Variants in PATJ observed in about 807,000 individuals in gnomAD.
PATJ encodes PATJ crumbs cell polarity complex component.
PATJ carries 190 observed loss-of-function variants against 224.9 expected under a neutral mutation model. The ratio of observed to expected loss-of-function variants is 0.84; its 90% confidence interval spans 0.75 to 0.95. The LOEUF is 0.95. Among genes scored for constraint, PATJ ranks in the 40% least tolerant of loss-of-function variants. The probability of loss-of-function intolerance (pLI) is 0.00; values close to 1 mark genes in which losing one functional copy is unlikely to be tolerated. For missense variants in PATJ, 2,121 were observed against 2,270.3 expected (o/e 0.93, Z 1.34); for synonymous variants, 769 against 820.3 (o/e 0.94, Z 1.07).
At position 62,051,472 on chromosome 1, in the gene PATJ, G is replaced by A. The variant is rs949007404; in HGVS notation, c.4125+414G>A. Among the ~76,000 whole-genome samples the A allele has an allele frequency of 2.6e-5, 4 of 151,944 alleles. 1 individual carries two copies. Among genetic ancestry groups the A allele is most frequent in the Non-Finnish European group, 4.4e-5 (3 of 67,986 alleles). ...CTCCAGAGTAGCTGGGACTACAGGCGCACACCACCATGCCCAGCTAATTTT... is the reference window on the plus strand; with the variant it reads ...CTCCAGAGTAGCTGGGACTACAGGCACACACCACCATGCCCAGCTAATTTT... On this transcript the variant is annotated intron_variant, in intron 31 of 43. Transcript: ENST00000642238.
intron 22 of PATJ, among the ~76,000 whole-genome samples, chr1:61,884,734 T>A (rs767384812): frequency 1.3e-5 from 2 of 152,118 alleles, no homozygotes; most frequent in Non-Finnish European, 2.9e-5. Flanking sequence ...AGTGAGGAAA[T>A]CTACAGGAAT....
chr1:62,117,252 C>T (rs1230473388), intron 37 of PATJ, 34 bp downstream of exon 37: 1 of 1,612,682 alleles, frequency 6.2e-7, no homozygotes, highest in Non-Finnish European at 8.5e-7. Flanking sequence ...CTGACTCACT[C>T]TTCTGCCCCC....
rs34267345 is a variant in PATJ, at chr1:61,965,121, C to CAA, written c.3671-25008_3671-25007dup. 2.4e-3 allele frequency among the ~76,000 whole-genome samples: 130 copies of CAA among 54,372 alleles called. 31 individuals carry two copies. Among genetic ancestry groups the CAA allele is most frequent in the East Asian group, 0.013 (6 of 478 alleles). 35.7% of individuals were successfully genotyped at this position (54,372 alleles called of 152,430 possible). A position where few individuals can be genotyped will look rare whatever the true frequency, so the allele number is the denominator to read the frequency against. ...TGGGCCACTGAAGGAGACTCTGTCT[C>CAA]AAAAAAAAAAAAAAAAAAAAAAAAA... On this transcript the variant is annotated intron_variant, in intron 27 of 43. Coordinates refer to ENST00000642238, the MANE Select transcript of PATJ (RefSeq NM_001350145.3).
At position 61,939,073 on chromosome 1, in the gene PATJ, A is replaced by G. The variant is rs913926956; in HGVS notation, c.3670+11244A>G. 6.2e-5 allele frequency among the ~76,000 whole-genome samples: 9 copies of G among 145,002 alleles called. No individual in the cohort carries two copies. In the South Asian group the frequency reaches 8.8e-4, roughly 14 times the overall value. ...AGGAGGCGGAGGTTGTAGTGAGCCAAGATCGTTCCACTGCACTCCAGCCTG... is the reference window on the plus strand; with the variant it reads ...AGGAGGCGGAGGTTGTAGTGAGCCAGGATCGTTCCACTGCACTCCAGCCTG... On this transcript the variant is annotated intron_variant, in intron 27 of 43. Transcript: ENST00000642238.
chr1:61,961,609 A>G (rs1478808251), intron 27 of PATJ, among the ~76,000 whole-genome samples: 1 of 152,226 alleles, frequency 6.6e-6, no homozygotes, highest in East Asian at 1.9e-4. Flanking sequence ...CTGCAGGATC[A>G]ATACATGAAA....
chr1:61,805,397 C>T (rs1428359355), intron 12 of PATJ, 51 bp from the exon 13 acceptor site: 2 of 1,140,158 alleles, frequency 1.8e-6, no homozygotes, highest in Admixed American at 1.8e-5. Context: ...GTGTTTGGCT[C>T]ACAGTAGTTT....
intron 30 of PATJ, among the ~76,000 whole-genome samples, chr1:62,043,704 G>GT (rs1396513403): frequency 3.5e-5 from 5 of 144,582 alleles, no homozygotes; most frequent in African/African-American, 5.0e-5. Flanking sequence ...AACATGATGG[G>GT]TTTTTTTGTT....
chr1:62,076,734 T>C (rs1027738709), intron 31 of PATJ, among the ~76,000 whole-genome samples: 32 of 152,344 alleles, frequency 2.1e-4, no homozygotes, highest in African/African-American at 7.5e-4. Flanking sequence ...AATTTAGTAA[T>C]CTAGATTGCT....
intron 14 of PATJ, among the ~76,000 whole-genome samples, chr1:61,814,170 G>A (rs1229260438): frequency 9.0e-6 from 1 of 111,338 alleles, no homozygotes; most frequent in African/African-American, 3.5e-5. Flanking sequence ...CAGTGATTCA[G>A]TCTCGCTCTG....
chr1:61,814,099 A>G (rs1438893523), intron 14 of PATJ, among the ~76,000 whole-genome samples: 2 of 151,542 alleles, frequency 1.3e-5, no homozygotes, highest in African/African-American at 4.8e-5. Flanking sequence ...ACTAGAAGAA[A>G]AAGAGTCACC....
At chr1:61,824,097 C>A (rs1204131398) in intron 15 of PATJ, among the ~76,000 whole-genome samples, 2 of 152,070 alleles carry the variant, frequency 1.3e-5, no homozygotes, top group Non-Finnish European at 2.9e-5. Flanking sequence ...CTGGGCACGG[C>A]CATATCTTTG....
chr1:62,103,414 A>G (rs1397922355), intron 33 of PATJ, among the ~76,000 whole-genome samples: 26 of 152,326 alleles, frequency 1.7e-4, no homozygotes, highest in East Asian at 1.2e-3. Context: ...TGTAGCATCT[A>G]TGGCACATAG....
At chr1:62,112,697 A>G (rs1311830798) in intron 34 of PATJ, among the ~76,000 whole-genome samples, 1 of 151,800 alleles carries the variant, frequency 6.6e-6, no homozygotes, top group African/African-American at 2.4e-5. Context: ...CCCTCATTTG[A>G]CTCTTTTCCT....
At position 62,018,363 on chromosome 1, in the gene PATJ, C is replaced by T. The variant is rs1004883628; in HGVS notation, c.3959+416C>T. On this transcript the variant is annotated intron_variant, in intron 29 of 43. Transcript: ENST00000642238. This position sits in a 1 kb window ranked among gnomAD's most constrained non-coding sequence, Gnocchi z 4.2. ...TCTTAGGAGCTTCCTTTTAAGAGTG[C>T]TGGTGAGAAGCTCAGAGTAGAGAAG... 6.6e-6 allele frequency among the ~76,000 whole-genome samples: 1 copy of T among 152,164 alleles called. No homozygotes were observed. The highest frequency in any genetic ancestry group is 6.5e-5 in the Admixed American group (1 of 15,276).
At chr1:62,017,744 A>AAG (rs1253987425) in intron 28 of PATJ, 112 bp from the exon 29 acceptor site, 3 of 576,948 alleles carry the variant, frequency 5.2e-6, no homozygotes, top group East Asian at 3.0e-5. Context: ...AAAAAAAAAA[A>AAG]AAAGAAAAGA....
intron 20 of PATJ, among the ~76,000 whole-genome samples, chr1:61,867,013 C>G (rs1344024595): frequency 1.3e-5 from 2 of 152,172 alleles, no homozygotes; most frequent in Non-Finnish European, 2.9e-5. Flanking sequence ...CCAGAGGTCA[C>G]TCTCGTTGCC....
chr1:62,135,693 A>T (rs968821129), intron 41 of PATJ, among the ~76,000 whole-genome samples: 6 of 152,144 alleles, frequency 3.9e-5, no homozygotes, highest in African/African-American at 1.4e-4. Flanking sequence ...CTAAAGTCTC[A>T]CCTTCTATTC....
intron 7 of PATJ, among the ~76,000 whole-genome samples, chr1:61,784,720 A>T (rs933236370): frequency 6.6e-6 from 1 of 152,210 alleles, no homozygotes; most frequent in Admixed American, 6.5e-5. Flanking sequence ...TTACAGAGGC[A>T]ACTTTACCCT....
rs776231722 is a variant in PATJ at position 61,914,609 on chromosome 1, A to AG, written c.3517dup (p.Ala1173GlyfsTer7). ...TAGGTCATTCCTAACGTACATAACA[A>AG]GGCCAACAAAATCACCGGTAACCAG... On this transcript the variant is annotated frameshift_variant, in exon 26 of 44. Transcript: ENST00000642238. LOFTEE classifies it high-confidence loss of function. 9 of 1,575,570 alleles carry AG rather than the reference A, an allele frequency of 5.7e-6. No homozygotes were observed. The highest frequency in any genetic ancestry group is 7.0e-6 in the Non-Finnish European group (8 of 1,145,932).
Sources: allele counts gnomAD v4.1 joint callset (sites outside exome capture counted in the v4.1 genomes callset), GRCh38; gene constraint gnomAD v4.1.1; non-coding constraint Gnocchi (gnomAD v3.1); transcripts MANE v1.5; gene names NCBI Gene and HGNC (gene_info 2026-07-23, HGNC 2026-07-21).